Variants in CLASP1 observed in about 807,000 individuals in gnomAD.
CLASP1 encodes cytoplasmic linker associated protein 1, also known as CLIP-associating protein 1.
A neutral mutation model predicts 192.3 loss-of-function variants in CLASP1; 38 were observed. That is an observed-to-expected ratio of 0.20 (90% confidence interval 0.15 to 0.26). The LOEUF (loss-of-function observed/expected upper bound fraction) is 0.26, where lower values mean the gene tolerates loss of function less well. Among genes scored for constraint, CLASP1 ranks in the 10% least tolerant of loss-of-function variants. The pLI is 1.00. For synonymous variants in CLASP1, 691 were observed against 712.8 expected (o/e 0.97, Z 0.49); for missense variants, 1,433 against 1,932.5 (o/e 0.74, Z 4.85).
At chr2:121,351,501 T>C (rs1420295114) in intron 37 of CLASP1, among the ~76,000 whole-genome samples, 1 of 152,258 alleles carries the variant, frequency 6.6e-6, no homozygotes, top group Admixed American at 6.5e-5. Flanking sequence ...CCTAGCTGTC[T>C]GAGAATATGT....
chr2:121,623,252 G>A (rs1026032572), intron 1 of CLASP1, among the ~76,000 whole-genome samples: 4 of 152,118 alleles, frequency 2.6e-5, no homozygotes, highest in Admixed American at 2.0e-4. Context: ...ATGAAACAAT[G>A]TTGGATTTAA....
At chr2:121,599,902 G>A (rs182128497) in intron 2 of CLASP1, among the ~76,000 whole-genome samples, 1 of 136,304 alleles carries the variant, frequency 7.3e-6, no homozygotes, top group Admixed American at 7.7e-5. Flanking sequence ...CTGGGTGGCA[G>A]AGTGAGACTC....
chr2:121,610,374 GGAAGAGGAA>G, intron 1 of CLASP1, among the ~76,000 whole-genome samples: 1 of 151,154 alleles, frequency 6.6e-6, no homozygotes, highest in Non-Finnish European at 1.5e-5. Flanking sequence ...AGTTACAGGA[GGAAGAGGAA>G]CTGGAGGAGG....
Position 121,479,056 on chromosome 2 carries a change from C to CA in CLASP1, c.713-9097_713-9096insT, listed in dbSNP as rs1559371349. ...CCCCACACACACACACACCCCCCCC[C>CA]CACACACACACACACACACCATCAA... On this transcript the variant is annotated intron_variant, in intron 8 of 39. Transcript: ENST00000263710. Among the ~76,000 whole-genome samples the CA allele has an allele frequency of 2.8e-3, 288 of 101,178 alleles. 8 individuals carry two copies. Among genetic ancestry groups the CA allele is most frequent in the East Asian group, 6.7e-3 (23 of 3,434 alleles). The allele number at this position is 101,178 out of a possible 152,430, so 66.4% of individuals were successfully genotyped here.
chr2:121,471,662 A>G (rs2090757383), intron 8 of CLASP1, among the ~76,000 whole-genome samples: 1 of 152,206 alleles, frequency 6.6e-6, no homozygotes, highest in Non-Finnish European at 1.5e-5. Flanking sequence ...GGTTCAGTTT[A>G]TTCAACACAG....
At chr2:121,397,843 T>C (rs1365214660) in intron 29 of CLASP1, among the ~76,000 whole-genome samples, 1 of 152,338 alleles carries the variant, frequency 6.6e-6, no homozygotes, top group South Asian at 2.1e-4. Flanking sequence ...CAAATTAACA[T>C]ACATCCTCCC....
intron 20 of CLASP1, among the ~76,000 whole-genome samples, chr2:121,427,722 T>A (rs2080689955): frequency 6.6e-6 from 1 of 152,208 alleles, no homozygotes; most frequent in African/African-American, 2.4e-5. Context: ...GATTGTAACT[T>A]ACTCATCTCT....
intron 1 of CLASP1, among the ~76,000 whole-genome samples, chr2:121,633,149 CA>C (rs961340850): frequency 1.3e-5 from 2 of 150,424 alleles, no homozygotes; most frequent in African/African-American, 2.4e-5. Flanking sequence ...ATTACCTGTT[CA>C]AAAAAAAGTT....
intron 1 of CLASP1, 93 bp from the exon 2 acceptor site, chr2:121,606,273 C>T (rs1229124442): frequency 8.7e-6 from 3 of 343,370 alleles, no homozygotes; most frequent in Non-Finnish European, 1.6e-5. Flanking sequence ...GCAATTCATG[C>T]TGCAGAATCA....
At chr2:121,368,105 GGGATGAAAGGCTCAGAAGCCTTTCCTTGA>G (rs1343244865) in intron 34 of CLASP1, among the ~76,000 whole-genome samples, 1 of 152,068 alleles carries the variant, frequency 6.6e-6, no homozygotes, top group South Asian at 2.1e-4. Context: ...TGTTTTCTGA[GGGATGAAAGGCTCAGAAGCCTTTCCTTGA>G]GAAGGAAAGG....
intron 8 of CLASP1, among the ~76,000 whole-genome samples, chr2:121,489,876 TAGAAATTTCTAGCCAGTAGATTATTTTCA>T (rs1559412381): frequency 6.6e-6 from 1 of 152,230 alleles, no homozygotes; most frequent in African/African-American, 2.4e-5. Flanking sequence ...TGGGAAAACT[TAGAAATTTCTAGCCAGTAGATTATTTTCA>T]AGACCACTTA....
intron 37 of CLASP1, among the ~76,000 whole-genome samples, chr2:121,355,470 A>C (rs2065220535): frequency 6.6e-6 from 1 of 152,204 alleles, no homozygotes; most frequent in Non-Finnish European, 1.5e-5. Flanking sequence ...TGGTTCTAAA[A>C]TGTCTGAAAA....
At chr2:121,515,293 CATT>C (rs2094256066) in intron 7 of CLASP1, among the ~76,000 whole-genome samples, 1 of 152,174 alleles carries the variant, frequency 6.6e-6, no homozygotes, top group African/African-American at 2.4e-5. Flanking sequence ...GGAATGGCTT[CATT>C]CATTCAAATA....
intron 30 of CLASP1, among the ~76,000 whole-genome samples, chr2:121,388,856 A>C (rs898587990): frequency 2.0e-5 from 3 of 152,242 alleles, no homozygotes; most frequent in African/African-American, 7.2e-5. Context: ...AGACTTTACA[A>C]ACATAAAGTC....
At chr2:121,425,243 C>T (rs1347886531) in exon 22 of CLASP1, 1 of 1,613,180 alleles carries the variant, frequency 6.2e-7, no homozygotes, top group South Asian at 1.1e-5. Flanking sequence ...TCGTGAGGAG[C>T]CCCCAGTAAG....
At chr2:121,591,802 A>G (rs2062433615) in intron 2 of CLASP1, among the ~76,000 whole-genome samples, 1 of 152,228 alleles carries the variant, frequency 6.6e-6, no homozygotes, top group Non-Finnish European at 1.5e-5. Flanking sequence ...CCTACCAGTC[A>G]TCAAAGAACT....
chr2:121,407,374 G>T, intron 25 of CLASP1, 97 bp downstream of exon 26: 1 of 1,362,158 alleles, frequency 7.3e-7, no homozygotes, highest in Non-Finnish European at 1.0e-6. Flanking sequence ...ATTAATTATA[G>T]GAATTAGACT....
intron 30 of CLASP1, 45 bp from the exon 32 acceptor site, chr2:121,387,951 C>T: frequency 1.4e-6 from 2 of 1,414,634 alleles, no homozygotes; most frequent in Non-Finnish European, 1.9e-6. Context: ...TACAATAGGT[C>T]ATCAAAATGT....
intron 34 of CLASP1, among the ~76,000 whole-genome samples, chr2:121,371,255 C>T (rs2068641332): frequency 6.6e-6 from 1 of 151,756 alleles, no homozygotes; most frequent in Admixed American, 6.6e-5. Context: ...TTAAGGGACA[C>T]AATCTTACTC....
Sources: allele counts gnomAD v4.1 joint callset (sites outside exome capture counted in the v4.1 genomes callset), GRCh38; gene constraint gnomAD v4.1.1; transcripts MANE v1.5; gene names NCBI Gene and HGNC (gene_info 2026-07-23, HGNC 2026-07-21).